REPS2: variants seen among roughly 807,000 people sequenced by gnomAD.
REPS2 encodes the protein ralBP1-associated Eps domain-containing protein 2.
Under a neutral mutation model 53.6 loss-of-function variants are expected in REPS2, and 23 were observed. The observed-to-expected ratio is 0.43, with a 90% CI of 0.31 to 0.61. The LOEUF (loss-of-function observed/expected upper bound fraction) is 0.61, where lower values mean the gene tolerates loss of function less well. Ranked by LOEUF, REPS2 falls within the 20% of genes least tolerant of loss-of-function variation. REPS2 has a pLI of 0.11. For synonymous variants in REPS2, 238 were observed against 218.6 expected (o/e 1.09, Z -0.78); for missense variants, 446 against 534.9 (o/e 0.83, Z 1.64).
At chrX:17,013,035 G>A (rs374650855) in intron 2 of REPS2, among the ~76,000 whole-genome samples, 7 of 112,429 alleles carry the variant, frequency 6.2e-5, no homozygotes, top group African/African-American at 2.3e-4. Context: ...CAAAACAGTT[G>A]TTCTCCACCT....
chrX:17,048,647 A>G (rs773492300), intron 6 of REPS2, among the ~76,000 whole-genome samples: 4 of 112,131 alleles, frequency 3.6e-5, no homozygotes, highest in East Asian at 2.8e-4. Flanking sequence ...CAGTCAGTCA[A>G]TGATGGCGGT....
Position 17,060,926 on chromosome X carries a change from T to C in REPS2, c.1115-1512T>C, listed in dbSNP as rs2062150699. 1.8e-5 allele frequency among the ~76,000 whole-genome samples: 2 copies of C among 111,532 alleles called. 1 individual carries two copies. The highest frequency in any genetic ancestry group is 7.6e-4 in the South Asian group (2 of 2,644). On this transcript the variant is annotated intron_variant, in intron 8 of 17. Transcript: ENST00000357277. ...GGGTAGAAACCAGAAGACTAAGTTG[T>C]GGTAGCTGGCCAGTCAGGAGCAGCG...
intron 13 of REPS2, among the ~76,000 whole-genome samples, chrX:17,093,199 T>TATATATATATATATATATATATAA (rs2062646876): frequency 9.6e-5 from 1 of 10,406 alleles, no homozygotes; most frequent in African/African-American, 3.4e-4. Context: ...TATATATATA[T>TATATATATATATATATATATATAA]AATTTTTTTT....
chrX:17,052,982 T>G (rs1181362148), intron 7 of REPS2, among the ~76,000 whole-genome samples: 1 of 111,488 alleles, frequency 9.0e-6, no homozygotes, highest in Non-Finnish European at 1.9e-5. Context: ...TGCACCTTTA[T>G]GCACTCTGGT....
intron 12 of REPS2, among the ~76,000 whole-genome samples, chrX:17,075,693 A>T (rs941940312): frequency 8.9e-6 from 1 of 112,600 alleles, no homozygotes; most frequent in African/African-American, 3.2e-5. Flanking sequence ...CCATATGAAG[A>T]TATAAACATA....
intron 2 of REPS2, among the ~76,000 whole-genome samples, chrX:17,012,039 T>C (rs2061436173): frequency 9.1e-6 from 1 of 110,403 alleles, no homozygotes. Context: ...CTAACAGTGT[T>C]TGAAATAACC....
chrX:17,151,641 C>T lies in REPS2; in HGVS notation c.*4160C>T, dbSNP rs138197658. On this transcript the variant is annotated 3_prime_UTR_variant, in exon 18 of 18. Coordinates refer to ENST00000357277, the MANE Select transcript of REPS2 (RefSeq NM_004726.3). Reference sequence around the variant, plus strand: ...AAACAATATAACGTATCATGGCAACCAGAGCTTCCCATATTATTGACAAGT... The same window carrying T: ...AAACAATATAACGTATCATGGCAACTAGAGCTTCCCATATTATTGACAAGT... 9.8e-5 allele frequency: 11 copies of T among 112,099 alleles called. No homozygotes were observed. Among genetic ancestry groups the T allele is most frequent in the South Asian group, 7.4e-4 (2 of 2,697 alleles). 9.2% of individuals were successfully genotyped at this position (112,099 alleles called of 1,213,427 possible).
At chrX:17,075,342 C>T (rs996708813) in intron 12 of REPS2, among the ~76,000 whole-genome samples, 3 of 112,237 alleles carry the variant, frequency 2.7e-5, no homozygotes, top group Admixed American at 9.4e-5. Context: ...CTGACTTCCT[C>T]TCTCCCTGAA....
intron 1 of REPS2, among the ~76,000 whole-genome samples, chrX:16,997,130 A>G (rs1020856551): frequency 8.9e-6 from 1 of 112,251 alleles, no homozygotes; most frequent in Non-Finnish European, 1.9e-5. Flanking sequence ...CTCTGCCTCC[A>G]GCTGTACAAA....
the REPS2 span, among the ~76,000 whole-genome samples, chrX:17,180,147 T>C: frequency 9.0e-6 from 1 of 111,515 alleles, no homozygotes; most frequent in Non-Finnish European, 1.9e-5. Flanking sequence ...GCAGGAATCA[T>C]GGTCGCAGTG....
chrX:17,050,144 T>TCC (rs1569148239), intron 6 of REPS2, among the ~76,000 whole-genome samples: 412 of 35,326 alleles, frequency 0.012, 7 homozygotes, highest in East Asian at 0.053. Flanking sequence ...CTTTCTTCCT[T>TCC]TCTTTCTTTC....
chrX:17,118,161 A>G (rs866452165), intron 14 of REPS2, among the ~76,000 whole-genome samples: 3 of 105,340 alleles, frequency 2.8e-5, no homozygotes, highest in African/African-American at 7.0e-5. Flanking sequence ...GGGTTTCACC[A>G]TTTTAGCCGG....
intron 13 of REPS2, among the ~76,000 whole-genome samples, chrX:17,097,019 A>G (rs958397076): frequency 4.5e-5 from 5 of 112,313 alleles, no homozygotes; most frequent in Non-Finnish European, 9.4e-5. Context: ...CAAGCAAGTG[A>G]TAAAATGATG....
chrX:16,985,234 A>G (rs2061077415), intron 1 of REPS2, among the ~76,000 whole-genome samples: 2 of 112,285 alleles, frequency 1.8e-5, no homozygotes, highest in South Asian at 7.3e-4. Flanking sequence ...GCTTTTGGGA[A>G]TAAAAGTAGG....
Position 16,958,427 on chromosome X carries a change from T to C in REPS2, c.273+11293T>C, listed in dbSNP as rs1387406457. 4.5e-5 allele frequency among the ~76,000 whole-genome samples: 5 copies of C among 111,411 alleles called. No homozygotes were observed. The Admixed American group carries it at 4.8e-4, about 11-fold the overall frequency. ...AATTGGGGTAAGGCTATGTATCACT[T>C]AGGGTCCCACAGGAAATGGCATGCT... On this transcript the variant is annotated intron_variant, in intron 1 of 17. Transcript: ENST00000357277.
chrX:17,046,626 A>G (rs1361767811), intron 5 of REPS2, among the ~76,000 whole-genome samples: 1 of 112,054 alleles, frequency 8.9e-6, no homozygotes, highest in African/African-American at 3.2e-5. Flanking sequence ...AATGCCTACC[A>G]TAGCTTTGTT....
chrX:17,131,520 A>G (rs1296761826), intron 14 of REPS2, among the ~76,000 whole-genome samples: 2 of 111,700 alleles, frequency 1.8e-5, no homozygotes, highest in Admixed American at 9.5e-5. Context: ...GTGTTTCTGT[A>G]ATGAGGATTA....
At chrX:17,073,967 A>G in intron 11 of REPS2, 147 bp from the exon 12 acceptor site, 1 of 381,665 alleles carries the variant, frequency 2.6e-6, no homozygotes, top group Non-Finnish European at 4.6e-6. Flanking sequence ...AAAACAAGGA[A>G]ATCATGAAAA....
chrX:17,093,594 C>G (rs778076430), intron 13 of REPS2, among the ~76,000 whole-genome samples: 1 of 110,174 alleles, frequency 9.1e-6, no homozygotes, highest in African/African-American at 3.3e-5. Context: ...TTTGGTATTT[C>G]CTTCGTAATT....
Sources: allele counts gnomAD v4.1 joint callset (sites outside exome capture counted in the v4.1 genomes callset), GRCh38; gene constraint gnomAD v4.1.1; transcripts MANE v1.5; gene names NCBI Gene and HGNC (gene_info 2026-07-23, HGNC 2026-07-21).